Variants in CCN3 observed in about 807,000 individuals in gnomAD.
CCN3 encodes the protein cellular communication network factor 3.
A neutral mutation model predicts 33.4 loss-of-function variants in CCN3; 20 were observed. That is an observed-to-expected ratio of 0.60 (90% CI 0.42 to 0.87). The LOEUF is 0.87. Ranked by LOEUF, CCN3 falls within the 40% of genes least tolerant of loss-of-function variation. The pLI is 0.00. For missense variants in CCN3, 465 were observed against 455.3 expected (o/e 1.02, Z -0.19); for synonymous variants, 205 against 170.4 (o/e 1.20, Z -1.58).
chr8:119,423,266 T>A lies in CCN3; in HGVS notation c.*134T>A. On this transcript the variant is annotated 3_prime_UTR_variant, in exon 5 of 5. Coordinates refer to ENST00000259526, the MANE Select transcript of CCN3 (RefSeq NM_002514.4). ...TATGTATTTTCCTAATGTGATCATATGAGGACCTTTATATCTGTCTTTTAT... is the reference window on the plus strand; with the variant it reads ...TATGTATTTTCCTAATGTGATCATAAGAGGACCTTTATATCTGTCTTTTAT... The A allele has an allele frequency of 1.2e-6, 1 of 826,792 alleles. No homozygotes were observed. The highest frequency in any genetic ancestry group is 1.9e-6 in the Non-Finnish European group (1 of 531,596). 51.2% of individuals were successfully genotyped at this position (826,792 alleles called of 1,614,324 possible). A position where few individuals can be genotyped will look rare whatever the true frequency, so the allele number is the denominator to read the frequency against.
At chr8:119,418,795 C>G (rs1233243182) in intron 3 of CCN3, among the ~76,000 whole-genome samples, 1 of 152,008 alleles carries the variant, frequency 6.6e-6, no homozygotes, top group East Asian at 1.9e-4. Context: ...ACTTCAGGAC[C>G]TTTTTTTATT....
At chr8:119,422,156 C>CAGAGAGAGAGAG (rs773092018) in intron 4 of CCN3, among the ~76,000 whole-genome samples, 14 of 146,538 alleles carry the variant, frequency 9.6e-5, no homozygotes, top group African/African-American at 3.2e-4. Flanking sequence ...CAGAGAGAGA[C>CAGAGAGAGAGAG]AGAGAGAGAG....
intron 4 of CCN3, 135 bp downstream of exon 4, chr8:119,419,480 C>T: frequency 1.3e-6 from 1 of 790,610 alleles, no homozygotes; most frequent in Non-Finnish European, 2.0e-6. Flanking sequence ...AGAGAAAAGG[C>T]AGTGGGGTTC....
At chr8:119,422,729 A>G in intron 4 of CCN3, 107 bp from the exon 5 acceptor site, 2 of 879,184 alleles carry the variant, frequency 2.3e-6, no homozygotes, top group Non-Finnish European at 3.5e-6. Context: ...CAAAGAAGAA[A>G]GACCAATAGA....
chr8:119,420,728 A>G (rs951585029), intron 4 of CCN3, among the ~76,000 whole-genome samples: 6 of 152,200 alleles, frequency 3.9e-5, no homozygotes, highest in Non-Finnish European at 8.8e-5. Flanking sequence ...CACGCTAAAT[A>G]TTAAATTGAA....
rs1193189406 is a variant in CCN3 at position 119,416,913 on chromosome 8, G to A, written c.254G>A (p.Ser85Asn). ...GATCTGGAGCCATGCGACGAGAGCA[G>A]TGGCCTCTACTGTGATCGCAGCGCG... ...CSDLEPCDES[S>N]GLYCDRSADP... The change falls in exon 2 of 5, where the codon AGT (serine) becomes AAT (asparagine). Residue 85 changes from serine (S) to asparagine (N), a missense_variant. By Grantham distance (46) the Ser-to-Asn change is conservative (BLOSUM62 1). Transcript: ENST00000259526. 5 of 1,613,946 alleles carry A rather than the reference G, an allele frequency of 3.1e-6. No homozygotes were observed. Among genetic ancestry groups the A allele is most frequent in the East Asian group, 4.5e-5 (2 of 44,876 alleles).
At chr8:119,418,369 A>T in intron 3 of CCN3, 60 bp downstream of exon 3, 1 of 1,563,082 alleles carries the variant, frequency 6.4e-7, no homozygotes, top group Non-Finnish European at 8.7e-7. Flanking sequence ...AACATGAAGA[A>T]TTTGCAATCT....
Position 119,419,297 on chromosome 8 carries a change from C to T in CCN3, c.729C>T (p.Leu243=). 1 of 1,614,176 alleles carries T rather than the reference C, an allele frequency of 6.2e-7. No individual in the cohort carries two copies. ...RQCEMLKQTR[L]CMVRPCEQEP... ...GTGAGATGCTGAAACAGACTCGGCT[C>T]TGCATGGTGCGGCCCTGTGAACAAG... Residue 243 remains leucine (L), a synonymous_variant, in exon 4 of 5, where the codon CTC becomes CTT. Coordinates refer to ENST00000259526, the MANE Select transcript of CCN3 (RefSeq NM_002514.4).
At chr8:119,421,285 C>A (rs7828460) in intron 4 of CCN3, among the ~76,000 whole-genome samples, 27,874 of 151,882 alleles carry the variant, frequency 0.18, 2,744 homozygotes, top group Non-Finnish European at 0.22. Context: ...CTGGGATTAC[C>A]GGCCTGAGCC....
chr8:119,420,759 A>G (rs1820112165), intron 4 of CCN3, among the ~76,000 whole-genome samples: 1 of 152,154 alleles, frequency 6.6e-6, no homozygotes, highest in African/African-American at 2.4e-5. Flanking sequence ...GAAGTCCTTA[A>G]ATATTTTCAA....
Position 119,418,089 on chromosome 8 carries a change from G to A in CCN3, c.342G>A (p.Gly114=). The change falls in exon 3 of 5, where the codon GGG becomes GGA. Residue 114 remains glycine (G), a synonymous_variant. Coordinates refer to ENST00000259526, the MANE Select transcript of CCN3 (RefSeq NM_002514.4). ...AGGGAGATAACTGTGTGTTCGATGG[G>A]GTCATCTACCGCAGTGGAGAGAAAT... is the stretch of plus-strand genomic sequence containing the variant. The part of the protein sequence containing the change: ...AVEGDNCVFD[G]VIYRSGEKFQ... The A allele has an allele frequency of 6.2e-7, 1 of 1,614,014 alleles. No individual in the cohort carries two copies. The highest frequency in any genetic ancestry group is 8.5e-7 in the Non-Finnish European group (1 of 1,179,914).
At position 119,419,437 on chromosome 8, in the gene CCN3, C is replaced by T. The variant is rs375675221; in HGVS notation, c.777+92C>T. 9.9e-5 allele frequency: 128 copies of T among 1,293,402 alleles called. 2 individuals are homozygous for T. The highest frequency in any genetic ancestry group is 3.4e-4 in the African/African-American group (23 of 68,446). The allele number at this position is 1,293,402 out of a possible 1,614,324, so 80.1% of individuals were successfully genotyped here. A position where few individuals can be genotyped will look rare whatever the true frequency, so the allele number is the denominator to read the frequency against. On this transcript the variant is annotated intron_variant, in intron 4 of 4. Transcript: ENST00000259526. Reference sequence around the variant, plus strand: ...AGAAAGTCACTGTGTCACTCTGTGACGGAGAGAGCAGCTATAGCGGGGAGT... The same window carrying T: ...AGAAAGTCACTGTGTCACTCTGTGATGGAGAGAGCAGCTATAGCGGGGAGT...
intron 4 of CCN3, among the ~76,000 whole-genome samples, chr8:119,419,681 A>G (rs16892527): frequency 0.043 from 6,611 of 152,292 alleles, 310 homozygotes; most frequent in African/African-American, 0.11. Context: ...GCTGATTCTA[A>G]AGAGGTCACT....
At chr8:119,421,011 CTTTTTTTTTTTTT>C (rs770175066) in intron 4 of CCN3, among the ~76,000 whole-genome samples, 2 of 75,014 alleles carry the variant, frequency 2.7e-5, no homozygotes, top group East Asian at 8.2e-4. Context: ...GACAGTGGTT[CTTTTTTTTTTTTT>C]TTTTTTTTTT....
rs915640383 is a variant in CCN3, at chr8:119,422,219, G to T, written c.778-617G>T. Among the ~76,000 whole-genome samples the T allele has an allele frequency of 1.6e-4, 25 of 151,948 alleles. No homozygotes were observed. In the South Asian group the frequency reaches 1.9e-3, roughly 11 times the overall value. On this transcript the variant is annotated intron_variant, in intron 4 of 4. Coordinates refer to ENST00000259526, the MANE Select transcript of CCN3 (RefSeq NM_002514.4). ...GAGAGAGAGAGAGACAGTGAGAGGG[G>T]AAGTGCCACACTTTTAAACCATCAG... is the stretch of plus-strand genomic sequence containing the variant.
intron 4 of CCN3, among the ~76,000 whole-genome samples, chr8:119,421,298 C>A (rs1173533973): frequency 6.6e-6 from 1 of 152,100 alleles, no homozygotes; most frequent in Non-Finnish European, 1.5e-5. Context: ...CCTGAGCCAC[C>A]GCGCCCGGCC....
intron 3 of CCN3, among the ~76,000 whole-genome samples, chr8:119,418,809 A>C (rs7014927): frequency 0.35 from 52,443 of 151,924 alleles, 11,014 homozygotes; most frequent in African/African-American, 0.59. Context: ...TTTTATTCTT[A>C]TTTTTGTTTT....
At chr8:119,422,190 GAA>G (rs1325123546) in intron 4 of CCN3, among the ~76,000 whole-genome samples, 20 of 151,434 alleles carry the variant, frequency 1.3e-4, no homozygotes, top group Non-Finnish European at 1.3e-4. Context: ...GAGAAAGGCA[GAA>G]AGAGAGAGAG....
At chr8:119,420,913 A>T (rs1563617061) in intron 4 of CCN3, among the ~76,000 whole-genome samples, 1 of 150,944 alleles carries the variant, frequency 6.6e-6, no homozygotes, top group Non-Finnish European at 1.5e-5. Flanking sequence ...TATTTTAAAG[A>T]TGGTTATTTA....
Sources: gnomAD v4.1 joint callset for allele counts (sites outside exome capture counted in the v4.1 genomes callset) on GRCh38, gnomAD v4.1.1 for gene constraint, MANE v1.5 for transcripts, NCBI Gene and HGNC (gene_info 2026-07-23, HGNC 2026-07-21) for gene names.